The following SNTG2 variants were observed in gnomAD, a reference collection of about 807,000 sequenced individuals.
SNTG2 encodes syntrophin gamma 2, also known as gamma-2-syntrophin.
A neutral mutation model predicts 70.9 loss-of-function variants in SNTG2; 74 were observed. The ratio of observed to expected loss-of-function variants is 1.04; its 90% CI spans 0.86 to 1.27. The LOEUF (loss-of-function observed/expected upper bound fraction) is 1.27, where lower values mean the gene tolerates loss of function less well. SNTG2 is among the 50% of genes most tolerant of loss of function. The pLI, the probability that SNTG2 is intolerant of heterozygous loss-of-function variation, is 0.00. For synonymous variants in SNTG2, 278 were observed against 273.8 expected (o/e 1.02, Z -0.15); for missense variants, 717 against 690.7 (o/e 1.04, Z -0.43).
chr2:970,142 A>T (rs1012222718), intron 1 of SNTG2, among the ~76,000 whole-genome samples: 2 of 152,206 alleles, frequency 1.3e-5, no homozygotes, highest in Non-Finnish European at 2.9e-5. Context: ...GTTTTTAGTT[A>T]CATTTATGTG....
At chr2:1,098,106 T>C (rs2148211076) in intron 2 of SNTG2, 90 bp from the exon 3 acceptor site, 1 of 1,382,562 alleles carries the variant, frequency 7.2e-7, no homozygotes, top group Non-Finnish European at 1.0e-6. Context: ...TTAACACGTA[T>C]TTGGGTTTAA....
At chr2:1,255,122 C>T (rs921569031) in intron 12 of SNTG2, among the ~76,000 whole-genome samples, 1 of 152,078 alleles carries the variant, frequency 6.6e-6, no homozygotes, top group African/African-American at 2.4e-5. Flanking sequence ...TTCAGGAAGT[C>T]GTGGCGTGGA....
chr2:1,054,241 T>C (rs1662249873), intron 1 of SNTG2, among the ~76,000 whole-genome samples: 1 of 150,318 alleles, frequency 6.7e-6, no homozygotes, highest in African/African-American at 2.5e-5. Context: ...CCCTTTCTCC[T>C]GCATCCCTAA....
intron 1 of SNTG2, among the ~76,000 whole-genome samples, chr2:1,036,058 A>G (rs537768010): frequency 5.7e-4 from 87 of 152,284 alleles, no homozygotes; most frequent in African/African-American, 2.0e-3. Flanking sequence ...ACTTTTTGCC[A>G]TCTGTTAATA....
chr2:959,309 T>C (rs1660274367), intron 1 of SNTG2, among the ~76,000 whole-genome samples: 1 of 152,234 alleles, frequency 6.6e-6, no homozygotes, highest in Non-Finnish European at 1.5e-5. Flanking sequence ...CTCTTCCTTA[T>C]TGAATTGAGG....
At chr2:1,275,337 C>G (rs1362049828) in intron 14 of SNTG2, among the ~76,000 whole-genome samples, 1 of 152,242 alleles carries the variant, frequency 6.6e-6, no homozygotes, top group Middle Eastern at 3.2e-3. Context: ...TAAGGAAACC[C>G]TGCAGTAAGC....
intron 1 of SNTG2, among the ~76,000 whole-genome samples, chr2:1,050,271 CAG>C (rs775175701): frequency 2.0e-5 from 3 of 152,178 alleles, no homozygotes; most frequent in Non-Finnish European, 4.4e-5. Context: ...ATCTTTACTC[CAG>C]AGTCATGAAA....
At chr2:952,131 TG>T (rs1659995506) in intron 1 of SNTG2, among the ~76,000 whole-genome samples, 3 of 152,216 alleles carry the variant, frequency 2.0e-5, no homozygotes, top group Non-Finnish European at 4.4e-5. Flanking sequence ...TTAAATTTCA[TG>T]TAAAATGTGG....
At chr2:1,072,071 A>C (rs546069660) in intron 1 of SNTG2, among the ~76,000 whole-genome samples, 1 of 152,312 alleles carries the variant, frequency 6.6e-6, no homozygotes, top group South Asian at 2.1e-4. Flanking sequence ...ACAAGTGCTG[A>C]TGGAGAAGCT....
At chr2:1,312,075 A>G (rs1353643153) in intron 15 of SNTG2, among the ~76,000 whole-genome samples, 2 of 152,140 alleles carry the variant, frequency 1.3e-5, no homozygotes, top group African/African-American at 4.8e-5. Flanking sequence ...TCCATTCACC[A>G]TCAACTATCT....
At chr2:992,280 A>G (rs968733296) in intron 1 of SNTG2, among the ~76,000 whole-genome samples, 14 of 152,066 alleles carry the variant, frequency 9.2e-5, no homozygotes, top group African/African-American at 2.9e-4. Context: ...ATGCTAAGAA[A>G]AAAAGACAAG....
intron 8 of SNTG2, among the ~76,000 whole-genome samples, chr2:1,202,892 T>G (rs1673366835): frequency 6.6e-6 from 1 of 152,220 alleles, no homozygotes; most frequent in Non-Finnish European, 1.5e-5. Flanking sequence ...GGTATGTACC[T>G]TATAACAGAG....
At chr2:1,327,261 A>G (rs979139453) in intron 16 of SNTG2, among the ~76,000 whole-genome samples, 3 of 152,168 alleles carry the variant, frequency 2.0e-5, no homozygotes, top group Admixed American at 6.5e-5. Context: ...CAATGTTTCA[A>G]TTTGGAACAG....
intron 8 of SNTG2, among the ~76,000 whole-genome samples, chr2:1,192,627 C>T (rs114879173): frequency 0.024 from 3,581 of 152,188 alleles, 65 homozygotes; most frequent in Non-Finnish European, 0.034. Flanking sequence ...CTGGTTGGAA[C>T]AATGTGAGAC....
chr2:1,266,306 C>T (rs1287980645), intron 13 of SNTG2, among the ~76,000 whole-genome samples: 1 of 152,098 alleles, frequency 6.6e-6, no homozygotes, highest in African/African-American at 2.4e-5. Context: ...CTCTTCTGCC[C>T]TTGATAAAAT....
At chr2:1,058,734 A>T (rs1662622453) in intron 1 of SNTG2, among the ~76,000 whole-genome samples, 1 of 152,232 alleles carries the variant, frequency 6.6e-6, no homozygotes, top group Admixed American at 6.5e-5. Context: ...CTGTCTTTGT[A>T]GAGGCTCATG....
chr2:1,124,749 GAGA>G (rs949007444), intron 4 of SNTG2, among the ~76,000 whole-genome samples: 21 of 152,294 alleles, frequency 1.4e-4, no homozygotes, highest in African/African-American at 5.1e-4. Context: ...CAAACACGCA[GAGA>G]AGGAGAATAA....
chr2:1,331,462 G>A (rs1659524706), intron 16 of SNTG2, among the ~76,000 whole-genome samples: 1 of 152,242 alleles, frequency 6.6e-6, no homozygotes, highest in East Asian at 1.9e-4. Flanking sequence ...GGTGGGGAAT[G>A]TAGGAAATAA....
intron 7 of SNTG2, among the ~76,000 whole-genome samples, chr2:1,171,408 C>T (rs1000810482): frequency 1.3e-5 from 2 of 152,168 alleles, no homozygotes; most frequent in African/African-American, 4.8e-5. Context: ...AGACTGCAGT[C>T]ATTAAAAATA....
Sources: gnomAD v4.1 joint callset for allele counts (sites outside exome capture counted in the v4.1 genomes callset) on GRCh38, gnomAD v4.1.1 for gene constraint, MANE v1.5 for transcripts, NCBI Gene and HGNC (gene_info 2026-07-23, HGNC 2026-07-21) for gene names.